Variants in SYT16 observed in about 807,000 individuals in gnomAD.
SYT16 encodes synaptotagmin-16.
A neutral mutation model predicts 61.4 loss-of-function variants in SYT16; 42 were observed. The ratio of observed to expected loss-of-function variants is 0.68; its 90% CI spans 0.53 to 0.89. SYT16 has a LOEUF of 0.89. Ranked by LOEUF, SYT16 falls within the 40% of genes least tolerant of loss-of-function variation. SYT16 has a pLI of 0.00. For missense variants in SYT16, 804 were observed against 807.3 expected, an observed-to-expected ratio of 1.00 and a Z score of 0.05; for synonymous variants, 314 against 302.3, an observed-to-expected ratio of 1.04 and a Z score of -0.40.
At chr14:62,035,287 G>A (rs1422676279) in intron 3 of SYT16, among the ~76,000 whole-genome samples, 1 of 152,162 alleles carries the variant, frequency 6.6e-6, no homozygotes, top group Non-Finnish European at 1.5e-5. Context: ...CAGTTGTTTA[G>A]TATCTTATTT....
intron 1 of SYT16, among the ~76,000 whole-genome samples, chr14:61,958,012 T>G (rs1453757325): frequency 6.6e-6 from 1 of 151,870 alleles, no homozygotes; most frequent in Non-Finnish European, 1.5e-5. Context: ...TTACTTCTTG[T>G]TTTAGGTAGG....
intron 3 of SYT16, among the ~76,000 whole-genome samples, chr14:62,028,665 T>G (rs1217982347): frequency 6.6e-6 from 1 of 152,128 alleles, no homozygotes; most frequent in African/African-American, 2.4e-5. Context: ...GAGAACAGGT[T>G]TATGACTGAA....
At chr14:61,859,252 G>A (rs1318951426) in intron 1 of SYT16, among the ~76,000 whole-genome samples, 2 of 152,146 alleles carry the variant, frequency 1.3e-5, no homozygotes, top group Non-Finnish European at 2.9e-5. Flanking sequence ...GAATGCTGGC[G>A]GGAACTAGGG....
intron 1 of SYT16, among the ~76,000 whole-genome samples, chr14:61,928,856 G>A (rs890645397): frequency 6.6e-6 from 1 of 152,114 alleles, no homozygotes; most frequent in Non-Finnish European, 1.5e-5. Context: ...ACATAAATAT[G>A]GATAAAAGCA....
intron 7 of SYT16, among the ~76,000 whole-genome samples, chr14:62,086,650 T>A (rs2056898240): frequency 6.6e-6 from 1 of 152,232 alleles, no homozygotes; most frequent in Non-Finnish European, 1.5e-5. Flanking sequence ...AACTATTATA[T>A]CTTGATAAAT....
At chr14:61,846,076 C>A (rs1057068481) in intron 1 of SYT16, among the ~76,000 whole-genome samples, 1 of 151,982 alleles carries the variant, frequency 6.6e-6, no homozygotes, top group Non-Finnish European at 1.5e-5. Flanking sequence ...GTTTTTTGAC[C>A]TAACATATGG....
At chr14:62,011,212 A>C (rs2053434856) in intron 3 of SYT16, among the ~76,000 whole-genome samples, 1 of 152,090 alleles carries the variant, frequency 6.6e-6, no homozygotes, top group Non-Finnish European at 1.5e-5. Context: ...TTTCATGGGG[A>C]GTTCTATCCA....
intron 7 of SYT16, among the ~76,000 whole-genome samples, chr14:62,095,234 C>A (rs1413258585): frequency 1.3e-5 from 2 of 151,782 alleles, no homozygotes; most frequent in Non-Finnish European, 2.9e-5. Flanking sequence ...TAGTCAAGAG[C>A]AAAATAAGGA....
At chr14:61,905,689 A>C in intron 1 of SYT16, among the ~76,000 whole-genome samples, 1 of 151,950 alleles carries the variant, frequency 6.6e-6, no homozygotes, top group African/African-American at 2.4e-5. Context: ...CTATCAGTCT[A>C]GCCCTTAAAA....
intron 2 of SYT16, among the ~76,000 whole-genome samples, chr14:61,985,338 G>A (rs1251694238): frequency 6.6e-6 from 1 of 152,170 alleles, no homozygotes; most frequent in African/African-American, 2.4e-5. Context: ...ATGCTGATGT[G>A]TTCATTCACA....
At chr14:62,016,211 A>C (rs1191615730) in intron 3 of SYT16, among the ~76,000 whole-genome samples, 1 of 152,216 alleles carries the variant, frequency 6.6e-6, no homozygotes, top group African/African-American at 2.4e-5. Flanking sequence ...ATGATGTTTC[A>C]GTTTCCATGG....
At chr14:61,906,167 G>A (rs2048702703) in intron 1 of SYT16, among the ~76,000 whole-genome samples, 1 of 152,180 alleles carries the variant, frequency 6.6e-6, no homozygotes, top group Non-Finnish European at 1.5e-5. Flanking sequence ...GTTTTGATAG[G>A]GAATTTGAGA....
At chr14:62,038,700 T>G (rs929006129) in intron 3 of SYT16, among the ~76,000 whole-genome samples, 2 of 152,150 alleles carry the variant, frequency 1.3e-5, no homozygotes, top group Non-Finnish European at 2.9e-5. Context: ...GCATTTGTAC[T>G]TTGTGTTGAC....
In SYT16 at chr14:61,922,696, TA is replaced by T. The variant is rs202042368; in HGVS notation, c.-324-47427del. Among the ~76,000 whole-genome samples, 330 of 151,050 alleles carry T rather than the reference TA, an allele frequency of 2.2e-3. 2 individuals are homozygous for T. Among genetic ancestry groups the T allele is most frequent in the African/African-American group, 5.3e-3 (219 of 41,174 alleles). ...TGTGCCCCTGAACCTAAAATTAAAG[TA>T]AAAAAAAATGGTTTATAAATTTGCA... is the stretch of plus-strand genomic sequence containing the variant. On this transcript the variant is annotated intron_variant, in intron 1 of 7. Transcript: ENST00000683842.
chr14:61,975,290 AT>A (rs2051739586), intron 2 of SYT16, among the ~76,000 whole-genome samples: 1 of 152,120 alleles, frequency 6.6e-6, no homozygotes, highest in South Asian at 2.1e-4. Flanking sequence ...AGAGAGGTGA[AT>A]TTTTTTTCAA....
At chr14:62,078,172 A>AAACACACACACACACACAC (rs1555382591) in intron 5 of SYT16, among the ~76,000 whole-genome samples, 7 of 128,850 alleles carry the variant, frequency 5.4e-5, no homozygotes, top group East Asian at 4.3e-4. Flanking sequence ...TATATATATA[A>AAACACACACACACACACAC]ACACACACAC....
chr14:61,990,752 G>A (rs916142144), intron 2 of SYT16, among the ~76,000 whole-genome samples: 2 of 152,158 alleles, frequency 1.3e-5, no homozygotes, highest in East Asian at 3.9e-4. Flanking sequence ...AGAAAATGGG[G>A]TTGGAAAGAT....
At chr14:61,899,399 A>T (rs2048432749) in intron 1 of SYT16, among the ~76,000 whole-genome samples, 1 of 152,192 alleles carries the variant, frequency 6.6e-6, no homozygotes, top group Non-Finnish European at 1.5e-5. Context: ...GTCTGTTTTC[A>T]TGTGCCAGGT....
chr14:62,011,862 G>A (rs1363825963), intron 3 of SYT16, among the ~76,000 whole-genome samples: 2 of 84,498 alleles, frequency 2.4e-5, no homozygotes, highest in African/African-American at 1.3e-4. Flanking sequence ...ACAAGTCAGG[G>A]AACACTATAT....
Sources: allele counts gnomAD v4.1 joint callset (sites outside exome capture counted in the v4.1 genomes callset), GRCh38; gene constraint gnomAD v4.1.1; transcripts MANE v1.5; gene names NCBI Gene and HGNC (gene_info 2026-07-23, HGNC 2026-07-21).